SMYD3: variants seen among roughly 807,000 people sequenced by gnomAD.
The protein encoded by SMYD3 is histone-lysine N-methyltransferase SMYD3.
In SMYD3, 36 loss-of-function variants were observed where a neutral mutation model predicts 57.7. That is an observed-to-expected ratio of 0.62 (90% CI 0.48 to 0.82). SMYD3 has a LOEUF of 0.82. SMYD3 is among the 40% of genes least tolerant of loss of function. The probability of loss-of-function intolerance (pLI) is 0.00; values close to 1 mark genes in which losing one functional copy is unlikely to be tolerated. For missense variants in SMYD3, 515 were observed against 538.8 expected (o/e 0.96, Z 0.44); for synonymous variants, 211 against 195.0 (o/e 1.08, Z -0.68).
At chr1:246,053,283 C>A (rs907867983) in intron 5 of SMYD3, among the ~76,000 whole-genome samples, 4 of 152,054 alleles carry the variant, frequency 2.6e-5, no homozygotes, top group South Asian at 2.1e-4. Context: ...CTACATTTCA[C>A]ACCATTTCAA....
intron 10 of SMYD3, among the ~76,000 whole-genome samples, chr1:245,828,709 A>ATTT (rs10626820): frequency 0.014 from 2,121 of 147,000 alleles, 20 homozygotes; most frequent in East Asian, 0.044. Flanking sequence ...AGTTTTTCTG[A>ATTT]TTTTTTTTTT....
rs542466510 is a variant in SMYD3, at chr1:246,278,425, T to A, written c.531+48776A>T. On this transcript the variant is annotated intron_variant, in intron 5 of 11. Transcript: ENST00000490107. ...GTATATGTCACTCCTGCCAATTACA[T>A]TTCATAAAACTCCATCTTGCCATCA... is the stretch of plus-strand genomic sequence containing the variant. Among the ~76,000 whole-genome samples, 145 of 152,280 alleles carry A rather than the reference T, an allele frequency of 9.5e-4. 1 individual carries two copies. Among genetic ancestry groups the A allele is most frequent in the African/African-American group, 3.5e-3 (144 of 41,556 alleles).
At chr1:246,056,320 A>G (rs1006792278) in intron 5 of SMYD3, among the ~76,000 whole-genome samples, 9 of 152,170 alleles carry the variant, frequency 5.9e-5, no homozygotes, top group Non-Finnish European at 1.3e-4. Context: ...AAGCAGGAGA[A>G]AAAGAAAAAA....
chr1:246,083,094 C>G (rs1373470748), intron 5 of SMYD3, among the ~76,000 whole-genome samples: 1 of 151,272 alleles, frequency 6.6e-6, no homozygotes, highest in Non-Finnish European at 1.5e-5. Context: ...TCCCCCAGCC[C>G]GACACCCGTA....
At chr1:245,923,636 G>C (rs1182782316) in intron 7 of SMYD3, among the ~76,000 whole-genome samples, 1 of 152,076 alleles carries the variant, frequency 6.6e-6, no homozygotes, top group South Asian at 2.1e-4. Flanking sequence ...TAACTCCATG[G>C]ATCCTTTCAG....
rs1429238213 is a variant in SMYD3, at chr1:245,760,949, T to C, written c.1185+3092A>G. ...TCGCTTACTCCTCAAAACAAGTCTA[T>C]GGGATAGCTATCAGCTTCCTTTTAC... On this transcript the variant is annotated intron_variant, in intron 11 of 11. Transcript: ENST00000490107. Among the ~76,000 whole-genome samples, 3 of 152,090 alleles carry C rather than the reference T, an allele frequency of 2.0e-5. No individual in the cohort carries two copies. In the East Asian group the frequency reaches 5.8e-4, roughly 29 times the overall value.
At chr1:246,155,394 C>A (rs984664507) in intron 5 of SMYD3, among the ~76,000 whole-genome samples, 1 of 152,118 alleles carries the variant, frequency 6.6e-6, no homozygotes, top group African/African-American at 2.4e-5. Context: ...AAAATGGCAA[C>A]CCAAAAGGAA....
intron 1 of SMYD3, among the ~76,000 whole-genome samples, chr1:246,384,435 G>A (rs763531871): frequency 1.8e-4 from 27 of 151,554 alleles, no homozygotes; most frequent in Non-Finnish European, 2.8e-4. Context: ...TCACTCTGTC[G>A]CCCAAGCTAG....
chr1:246,229,109 C>T (rs1306328636), intron 5 of SMYD3, among the ~76,000 whole-genome samples: 2 of 151,976 alleles, frequency 1.3e-5, no homozygotes, highest in Non-Finnish European at 2.9e-5. Context: ...TCTAAATGTT[C>T]AATTAGTTCT....
At chr1:246,254,319 T>C (rs1347919037) in intron 5 of SMYD3, among the ~76,000 whole-genome samples, 1 of 152,226 alleles carries the variant, frequency 6.6e-6, no homozygotes, top group African/African-American at 2.4e-5. Flanking sequence ...TTATATAAGA[T>C]GAAAGGTAAG....
chr1:245,968,099 T>C (rs930050993), intron 5 of SMYD3, among the ~76,000 whole-genome samples: 1 of 152,078 alleles, frequency 6.6e-6, no homozygotes, highest in African/African-American at 2.4e-5. Context: ...TCGCTGACAG[T>C]TTATATAGAT....
At chr1:246,105,307 A>C (rs1206193704) in intron 5 of SMYD3, among the ~76,000 whole-genome samples, 1 of 152,210 alleles carries the variant, frequency 6.6e-6, no homozygotes, top group African/African-American at 2.4e-5. Context: ...AATCTTTGTC[A>C]GCACCAAATC....
intron 5 of SMYD3, among the ~76,000 whole-genome samples, chr1:246,121,009 G>C (rs6687231): frequency 0.47 from 71,512 of 152,038 alleles, 20,848 homozygotes; most frequent in Non-Finnish European, 0.66. Flanking sequence ...GCTACAGTGG[G>C]GATACAAAAA....
chr1:245,880,842 A>G (rs1572579816), intron 8 of SMYD3, among the ~76,000 whole-genome samples: 1 of 152,252 alleles, frequency 6.6e-6, no homozygotes, highest in South Asian at 2.1e-4. Context: ...GTAAGTGGAA[A>G]GAGGCAGCTT....
intron 1 of SMYD3, among the ~76,000 whole-genome samples, chr1:246,402,239 C>G (rs1047740516): frequency 2.0e-5 from 3 of 151,846 alleles, no homozygotes; most frequent in African/African-American, 4.8e-5. Flanking sequence ...ACAGATGTTT[C>G]TTCATCCTGA....
intron 5 of SMYD3, among the ~76,000 whole-genome samples, chr1:246,313,650 T>C (rs1272191321): frequency 6.6e-6 from 1 of 152,196 alleles, no homozygotes; most frequent in East Asian, 1.9e-4. Context: ...CTCTAATGCT[T>C]TTCTTTTACT....
chr1:245,828,923 G>A (rs1471848014), intron 10 of SMYD3, among the ~76,000 whole-genome samples: 2 of 151,882 alleles, frequency 1.3e-5, no homozygotes, highest in African/African-American at 4.8e-5. Flanking sequence ...GGCTGGTCTC[G>A]AACTCCTGAC....
chr1:246,105,636 G>A (rs10924508), intron 5 of SMYD3, among the ~76,000 whole-genome samples: 3,233 of 152,248 alleles, frequency 0.021, 142 homozygotes, highest in East Asian at 0.15. Flanking sequence ...CACAGACAAC[G>A]GATTTATTGC....
At chr1:245,780,321 G>A (rs1475481702) in intron 10 of SMYD3, among the ~76,000 whole-genome samples, 2 of 152,140 alleles carry the variant, frequency 1.3e-5, no homozygotes, top group Non-Finnish European at 2.9e-5. Flanking sequence ...TCTCCGTATG[G>A]TGGAATATTA....
Sources: allele counts gnomAD v4.1 joint callset (sites outside exome capture counted in the v4.1 genomes callset), GRCh38; gene constraint gnomAD v4.1.1; transcripts MANE v1.5; gene names NCBI Gene and HGNC (gene_info 2026-07-23, HGNC 2026-07-21).